RPH3AL: variants seen among roughly 807,000 people sequenced by gnomAD.
RPH3AL encodes rab effector Noc2.
Under a neutral mutation model 43.1 loss-of-function variants are expected in RPH3AL, and 38 were observed. The ratio of observed to expected loss-of-function variants is 0.88; its 90% CI spans 0.68 to 1.15. The LOEUF is 1.15. RPH3AL is among the 50% of genes most tolerant of loss of function. The pLI, the probability that RPH3AL is intolerant of heterozygous loss-of-function variation, is 0.00. For missense variants in RPH3AL, 462 were observed against 423.2 expected, an observed-to-expected ratio of 1.09 and a Z score of -0.81; for synonymous variants, 189 against 176.3, an observed-to-expected ratio of 1.07 and a Z score of -0.57.
chr17:306,264 G>A (rs535599511), intron 5 of RPH3AL, among the ~76,000 whole-genome samples: 3 of 150,384 alleles, frequency 2.0e-5, no homozygotes, highest in East Asian at 2.0e-4. Flanking sequence ...CATGCCCCAC[G>A]AGCCCCTTCC....
At chr17:222,143 C>A (rs2041007036) in intron 7 of RPH3AL, among the ~76,000 whole-genome samples, 1 of 151,950 alleles carries the variant, frequency 6.6e-6, no homozygotes, top group South Asian at 2.1e-4. Flanking sequence ...TGGGGACAGT[C>A]AGAGCTGACC....
chr17:315,056 G>C (rs909075333), intron 5 of RPH3AL, among the ~76,000 whole-genome samples: 2 of 75,556 alleles, frequency 2.6e-5, no homozygotes, highest in African/African-American at 8.5e-5. Flanking sequence ...CACCTCCACT[G>C]AACTGTAGTC....
At chr17:292,543 G>A (rs2043070776) in intron 5 of RPH3AL, among the ~76,000 whole-genome samples, 1 of 152,202 alleles carries the variant, frequency 6.6e-6, no homozygotes, top group African/African-American at 2.4e-5. Context: ...AGGTTAAGCA[G>A]CTCGACGTGG....
At chr17:228,525 G>A (rs1012946486) in intron 7 of RPH3AL, among the ~76,000 whole-genome samples, 1 of 152,190 alleles carries the variant, frequency 6.6e-6, no homozygotes, top group South Asian at 2.1e-4. Flanking sequence ...CCCACACCAT[G>A]CAGCACAGGC....
At chr17:329,100 C>A (rs2044686396) in intron 2 of RPH3AL, among the ~76,000 whole-genome samples, 1 of 152,018 alleles carries the variant, frequency 6.6e-6, no homozygotes, top group Non-Finnish European at 1.5e-5. Context: ...TGAATCGCAC[C>A]CTTTAAAAGT....
At chr17:224,811 G>T (rs986471885) in intron 7 of RPH3AL, among the ~76,000 whole-genome samples, 2 of 152,296 alleles carry the variant, frequency 1.3e-5, no homozygotes, top group African/African-American at 4.8e-5. Flanking sequence ...CATGTCCTTT[G>T]TAGGGACATG....
chr17:330,659 T>C (rs1301061411), intron 2 of RPH3AL, among the ~76,000 whole-genome samples: 4 of 152,156 alleles, frequency 2.6e-5, no homozygotes, highest in Admixed American at 2.6e-4. Context: ...GTGGATCCCT[T>C]GAGCTCAGGA....
At chr17:219,542 TG>T (rs2040902179) in intron 8 of RPH3AL, 80 bp downstream of exon 8, 58 of 374,836 alleles carry the variant, frequency 1.5e-4, no homozygotes, top group East Asian at 5.9e-4. Flanking sequence ...TTTTTTTTTT[TG>T]AGATGGAGTT....
At chr17:301,329 G>A (rs1471255923) in intron 5 of RPH3AL, among the ~76,000 whole-genome samples, 1 of 152,138 alleles carries the variant, frequency 6.6e-6, no homozygotes, top group East Asian at 1.9e-4. Flanking sequence ...CTTGAGACAG[G>A]GTCTCACGCT....
intron 7 of RPH3AL, among the ~76,000 whole-genome samples, chr17:232,828 G>C (rs1019051483): frequency 1.6e-5 from 2 of 125,614 alleles, no homozygotes; most frequent in African/African-American, 3.0e-5. Flanking sequence ...GTCCTTTCCG[G>C]CGTGTGTGTG....
chr17:213,622 G>T lies in RPH3AL; in HGVS notation c.*230C>A. 1.7e-6 allele frequency: 1 copy of T among 591,356 alleles called. No individual in the cohort carries two copies. The allele number at this position is 591,356 out of a possible 1,614,324, so 36.6% of individuals were successfully genotyped here. ...GTGGGAGGGGAGGGTAATAAATAAG[G>T]TCGGGGGCTGAGGGCAGTGGTTGGA... On this transcript the variant is annotated 3_prime_UTR_variant, in exon 10 of 10. Coordinates refer to ENST00000331302, the MANE Select transcript of RPH3AL (RefSeq NM_006987.4).
chr17:309,219 C>G (rs910231273), intron 5 of RPH3AL, among the ~76,000 whole-genome samples: 3 of 152,184 alleles, frequency 2.0e-5, no homozygotes, highest in Non-Finnish European at 2.9e-5. Context: ...CGATTGAGCC[C>G]AGGAGTTTGA....
rs1441564834 is a variant in RPH3AL, at chr17:257,094, T to G, written c.439-9809A>C. 7.4e-4 allele frequency among the ~76,000 whole-genome samples: 39 copies of G among 52,852 alleles called. 1 individual carries two copies. Among genetic ancestry groups the G allele is most frequent in the South Asian group, 2.6e-3 (3 of 1,134 alleles). 34.7% of individuals were successfully genotyped at this position (52,852 alleles called of 152,430 possible). A position where few individuals can be genotyped will look rare whatever the true frequency, so the allele number is the denominator to read the frequency against. The stretch of plus-strand genomic sequence containing the variant: ...CTGTCCTTTTCCATCCCTAGGAACG[T>G]GACTACCCTACGTACTTCCTATGAG... On this transcript the variant is annotated intron_variant, in intron 6 of 9. Coordinates refer to ENST00000331302, the MANE Select transcript of RPH3AL (RefSeq NM_006987.4).
At chr17:330,400 T>C (rs578188733) in intron 2 of RPH3AL, among the ~76,000 whole-genome samples, 2 of 152,302 alleles carry the variant, frequency 1.3e-5, no homozygotes, top group African/African-American at 4.8e-5. Context: ...ATGAGGCTAA[T>C]GGACAAGCAA....
Position 346,584 on chromosome 17 carries a change from C to T in RPH3AL, c.-213+6128G>A, listed in dbSNP as rs903610697. Among the ~76,000 whole-genome samples, 48 of 134,646 alleles carry T rather than the reference C, an allele frequency of 3.6e-4. 8 individuals are homozygous for T. Among genetic ancestry groups the T allele is most frequent in the Non-Finnish European group, 1.3e-4 (8 of 59,288 alleles). 88.3% of individuals were successfully genotyped at this position (134,646 alleles called of 152,430 possible). A position where few individuals can be genotyped will look rare whatever the true frequency, so the allele number is the denominator to read the frequency against. On this transcript the variant is annotated intron_variant, in intron 1 of 9. Transcript: ENST00000331302. ...CGCCCCCATGATTCAATGACCTCCA[C>T]CGGGTCTCTCCCACAACAGGTGGGA... is the stretch of plus-strand genomic sequence containing the variant.
chr17:223,060 G>A (rs142774229), intron 7 of RPH3AL, among the ~76,000 whole-genome samples: 107 of 152,154 alleles, frequency 7.0e-4, no homozygotes, highest in Middle Eastern at 6.8e-3. Context: ...CGTTGTGATG[G>A]GCACGTGTAC....
chr17:220,123 C>G (rs1555530537), intron 7 of RPH3AL, among the ~76,000 whole-genome samples: 1 of 152,078 alleles, frequency 6.6e-6, no homozygotes, highest in South Asian at 2.1e-4. Context: ...CTCACTGAGA[C>G]AATAGACCCA....
intron 5 of RPH3AL, among the ~76,000 whole-genome samples, chr17:298,412 C>T (rs1177086544): frequency 6.6e-6 from 1 of 152,174 alleles, no homozygotes; most frequent in Non-Finnish European, 1.5e-5. Context: ...AGTCTCCAAG[C>T]CAGGCTGGGC....
In RPH3AL at chr17:283,280, C is replaced by G. The variant is rs1398796749; in HGVS notation, c.352-1426G>C. Among the ~76,000 whole-genome samples, 1 of 152,126 alleles carries G rather than the reference C, an allele frequency of 6.6e-6. No homozygotes were observed. Among genetic ancestry groups the G allele is most frequent in the Admixed American group, 6.5e-5 (1 of 15,286 alleles). On this transcript the variant is annotated intron_variant, in intron 5 of 9. Coordinates refer to ENST00000331302, the MANE Select transcript of RPH3AL (RefSeq NM_006987.4). This position sits in a 1 kb window ranked among gnomAD's most constrained non-coding sequence, Gnocchi z 4.2. ...GAAAATGTCACCAACTTGGCTTCCA[C>G]GTCGAGCGTGTCGAGCGTGTGGAGG...
Sources: gnomAD v4.1 joint callset for allele counts (sites outside exome capture counted in the v4.1 genomes callset) on GRCh38, gnomAD v4.1.1 for gene constraint, Gnocchi (gnomAD v3.1) non-coding constraint, MANE v1.5 for transcripts, NCBI Gene and HGNC (gene_info 2026-07-23, HGNC 2026-07-21) for gene names.